Variants in SHISA3 observed in about 807,000 individuals in gnomAD.
SHISA3 encodes shisa family member 3, also known as protein shisa-3 homolog.
In SHISA3, 15 loss-of-function variants were observed where a neutral mutation model predicts 19.2. That is an observed-to-expected ratio of 0.78 (90% CI 0.52 to 1.20). The LOEUF (loss-of-function observed/expected upper bound fraction) is 1.20, where lower values mean the gene tolerates loss of function less well. Among genes scored for constraint, SHISA3 ranks in the 50% most tolerant of loss-of-function variants. The probability of loss-of-function intolerance (pLI) is 0.00; values close to 1 mark genes in which losing one functional copy is unlikely to be tolerated. For missense variants in SHISA3, 327 were observed against 315.7 expected (o/e 1.04, Z -0.27); for synonymous variants, 145 against 135.2 (o/e 1.07, Z -0.50).
In SHISA3 at chr4:42,401,551, G is replaced by A; in HGVS notation, c.*100G>A. On this transcript the variant is annotated 3_prime_UTR_variant, in exon 2 of 2. Coordinates refer to ENST00000319234, the MANE Select transcript of SHISA3 (RefSeq NM_001080505.3). The stretch of plus-strand genomic sequence containing the variant: ...TTCTGAGAAAATTTCCCTTGTAACT[G>A]ATCAGTGTCATGGAGGAGCATGCTA... 2 of 1,284,916 alleles carry A rather than the reference G, an allele frequency of 1.6e-6. No homozygotes were observed. The highest frequency in any genetic ancestry group is 2.1e-6 in the Non-Finnish European group (2 of 930,896). 79.6% of individuals were successfully genotyped at this position (1,284,916 alleles called of 1,614,324 possible).
At position 42,398,243 on chromosome 4, in the gene SHISA3, C is replaced by A. The variant is rs781576923; in HGVS notation, c.187C>A (p.Arg63Ser). The change falls in exon 1 of 2, where the codon CGC becomes AGC. Residue 63 changes from arginine to serine, a missense_variant. Arg to Ser is a moderately radical substitution (Grantham distance 110). Transcript: ENST00000319234. Reference protein sequence around the residue: ...ATICCGSCALRYCCAAADARL... With the variant: ...ATICCGSCALSYCCAAADARL... ...CATCTGCTGCGGCTCCTGCGCGCTC[C>A]GCTACTGTTGCGCCGCGGCCGACGC... The A allele has an allele frequency of 6.3e-7, 1 of 1,580,238 alleles. No homozygotes were observed. The highest frequency in any genetic ancestry group is 8.6e-7 in the Non-Finnish European group (1 of 1,163,566).
At position 42,397,836 on chromosome 4, in the gene SHISA3, C is replaced by T. The variant is rs185035068; in HGVS notation, c.-221C>T. The T allele has an allele frequency of 7.4e-3, 3,337 of 448,092 alleles. 26 individuals are homozygous for T. The highest frequency in any genetic ancestry group is 0.019 in the African/African-American group (939 of 48,802). 27.8% of individuals were successfully genotyped at this position (448,092 alleles called of 1,614,324 possible). On this transcript the variant is annotated 5_prime_UTR_variant, in exon 1 of 2. Coordinates refer to ENST00000319234, the MANE Select transcript of SHISA3 (RefSeq NM_001080505.3). ...CCTCCCGCAGGCCCTCGCCAACTCG[C>T]CCCGCGCACCATGCTGACTCCCGGC...
chr4:42,400,889 C>A, intron 1 of SHISA3, 123 bp from the exon 2 acceptor site: 3 of 955,808 alleles, frequency 3.1e-6, no homozygotes, highest in Non-Finnish European at 4.8e-6. Context: ...CTCTGAAAAA[C>A]TGAGCTGACA....
At chr4:42,400,020 C>T (rs142162916) in intron 1 of SHISA3, among the ~76,000 whole-genome samples, 43 of 152,302 alleles carry the variant, frequency 2.8e-4, no homozygotes, top group African/African-American at 8.4e-4. Context: ...TGGAGCTTAT[C>T]ATGTCCATCT....
chr4:42,398,550 C>T (rs1246584067), intron 1 of SHISA3, among the ~76,000 whole-genome samples: 1 of 152,202 alleles, frequency 6.6e-6, no homozygotes. Context: ...CCGCCACTTG[C>T]GGTCTCTGCG....
rs756114988 is a variant in SHISA3, at chr4:42,397,816, C to G, written c.-241C>G. ...AGCAACTGCCTCTGCCGGCGCCTCCCGCAGGCCCTCGCCAACTCGCCCCGC... is the reference window on the plus strand; with the variant it reads ...AGCAACTGCCTCTGCCGGCGCCTCCGGCAGGCCCTCGCCAACTCGCCCCGC... On this transcript the variant is annotated 5_prime_UTR_variant, in exon 1 of 2. Coordinates refer to ENST00000319234, the MANE Select transcript of SHISA3 (RefSeq NM_001080505.3). The G allele has an allele frequency of 6.8e-6, 3 of 441,426 alleles. No homozygotes were observed. The highest frequency in any genetic ancestry group is 2.1e-5 in the African/African-American group (1 of 48,492). The allele number at this position is 441,426 out of a possible 1,614,324, so 27.3% of individuals were successfully genotyped here.
At position 42,401,112 on chromosome 4, in the gene SHISA3, C is replaced by T. The variant is rs201179107; in HGVS notation, c.378C>T (p.Pro126=). The T allele has an allele frequency of 4.6e-5, 74 of 1,614,212 alleles. 1 individual carries two copies. In the East Asian group the frequency reaches 1.6e-3, roughly 35 times the overall value. ...VAIYCCTCLR[P]KEPSQQPIRF... is the part of the protein sequence containing the mutation. ...TTTATTGTTGCACCTGTTTGAGACC[C>T]AAGGAGCCCTCGCAGCAGCCAATCC... Residue 126 remains proline, a synonymous_variant, in exon 2 of 2, where the codon CCC becomes CCT. Transcript: ENST00000319234.
At chr4:42,400,653 C>T (rs1280124400) in intron 1 of SHISA3, among the ~76,000 whole-genome samples, 1 of 152,134 alleles carries the variant, frequency 6.6e-6, no homozygotes, top group African/African-American at 2.4e-5. Flanking sequence ...CTACTAAAAC[C>T]TGCATTTAAA....
rs185035068 is a variant in SHISA3, at chr4:42,397,836, C to A, written c.-221C>A. ...CCTCCCGCAGGCCCTCGCCAACTCG[C>A]CCCGCGCACCATGCTGACTCCCGGC... On this transcript the variant is annotated 5_prime_UTR_variant, in exon 1 of 2. Transcript: ENST00000319234. The A allele has an allele frequency of 4.5e-6, 2 of 447,992 alleles. No homozygotes were observed. Among genetic ancestry groups the A allele is most frequent in the Admixed American group, 8.7e-5 (2 of 23,022 alleles). The allele number at this position is 447,992 out of a possible 1,614,324, so 27.8% of individuals were successfully genotyped here.
At position 42,401,263 on chromosome 4, in the gene SHISA3, A is replaced by G. The variant is rs1711911610; in HGVS notation, c.529A>G (p.Arg177Gly). The change falls in exon 2 of 2, where the codon AGG becomes GGG. Residue 177 changes from arginine to glycine, a missense_variant. By Grantham distance (125) the Arg-to-Gly change is moderately radical. Coordinates refer to ENST00000319234, the MANE Select transcript of SHISA3 (RefSeq NM_001080505.3). Reference sequence around the variant, plus strand: ...CAGCTCCACAGGCGGCTCCATCCGCAGGTTCTCCTTTGCCAGGGCTGAGCC... The same window carrying G: ...CAGCTCCACAGGCGGCTCCATCCGCGGGTTCTCCTTTGCCAGGGCTGAGCC... The part of the protein sequence containing the change: ...SSSSTGGSIR[R>G]FSFARAEPGC... 6.2e-7 allele frequency: 1 copy of G among 1,614,054 alleles called. No homozygotes were observed. Among genetic ancestry groups the G allele is most frequent in the South Asian group, 1.1e-5 (1 of 91,084 alleles).
At chr4:42,400,117 TC>T (rs1711865068) in intron 1 of SHISA3, among the ~76,000 whole-genome samples, 1 of 152,224 alleles carries the variant, frequency 6.6e-6, no homozygotes, top group Admixed American at 6.5e-5. Context: ...AGGCTTTCTT[TC>T]TTCTACCTGT....
Position 42,397,823 on chromosome 4 carries a change from C to A in SHISA3, c.-234C>A. 1 of 441,730 alleles carries A rather than the reference C, an allele frequency of 2.3e-6. No homozygotes were observed. Among genetic ancestry groups the A allele is most frequent in the Non-Finnish European group, 3.9e-6 (1 of 253,274 alleles). The allele number at this position is 441,730 out of a possible 1,614,324, so 27.4% of individuals were successfully genotyped here. A position where few individuals can be genotyped will look rare whatever the true frequency, so the allele number is the denominator to read the frequency against. On this transcript the variant is annotated 5_prime_UTR_variant, in exon 1 of 2. Coordinates refer to ENST00000319234, the MANE Select transcript of SHISA3 (RefSeq NM_001080505.3). ...GCCTCTGCCGGCGCCTCCCGCAGGC[C>A]CTCGCCAACTCGCCCCGCGCACCAT... is the stretch of plus-strand genomic sequence containing the variant.
chr4:42,398,206 G>C lies in SHISA3; in HGVS notation c.150G>C (p.Thr50=). 1.9e-6 allele frequency: 3 copies of C among 1,601,916 alleles called. No homozygotes were observed. The highest frequency in any genetic ancestry group is 2.6e-6 in the Non-Finnish European group (3 of 1,174,496). ...EGFQCPEDFD[T]LDATICCGSC... Reference sequence around the variant, plus strand: ...TCCAGTGCCCAGAGGACTTCGACACGCTGGACGCTACCATCTGCTGCGGCT... The same window carrying C: ...TCCAGTGCCCAGAGGACTTCGACACCCTGGACGCTACCATCTGCTGCGGCT... Residue 50 remains threonine (T), a synonymous_variant, in exon 1 of 2, where the codon ACG becomes ACC. Transcript: ENST00000319234.
intron 1 of SHISA3, among the ~76,000 whole-genome samples, chr4:42,399,630 G>C (rs1372318952): frequency 6.6e-6 from 1 of 152,258 alleles, no homozygotes; most frequent in Non-Finnish European, 1.5e-5. Context: ...GGGAGAGGCA[G>C]TCTCCACACT....
In SHISA3 at chr4:42,397,841, C is replaced by A; in HGVS notation, c.-216C>A. On this transcript the variant is annotated 5_prime_UTR_variant, in exon 1 of 2. Transcript: ENST00000319234. ...CGCAGGCCCTCGCCAACTCGCCCCG[C>A]GCACCATGCTGACTCCCGGCCTGCG... 2.2e-6 allele frequency: 1 copy of A among 449,518 alleles called. No homozygotes were observed. Among genetic ancestry groups the A allele is most frequent in the Middle Eastern group, 5.6e-4 (1 of 1,772 alleles). 27.8% of individuals were successfully genotyped at this position (449,518 alleles called of 1,614,324 possible). A position where few individuals can be genotyped will look rare whatever the true frequency, so the allele number is the denominator to read the frequency against.
At chr4:42,400,045 G>C (rs1024697717) in intron 1 of SHISA3, among the ~76,000 whole-genome samples, 2 of 152,204 alleles carry the variant, frequency 1.3e-5, no homozygotes, top group Non-Finnish European at 2.9e-5. Context: ...GGGTCTCCAA[G>C]AGACTTTAAT....
At chr4:42,399,186 G>T (rs1711836807) in intron 1 of SHISA3, among the ~76,000 whole-genome samples, 1 of 152,142 alleles carries the variant, frequency 6.6e-6, no homozygotes, top group Non-Finnish European at 1.5e-5. Flanking sequence ...AGAAGCGGGC[G>T]GAGCTGAGAG....
intron 1 of SHISA3, among the ~76,000 whole-genome samples, chr4:42,400,383 G>A (rs1308389495): frequency 6.6e-6 from 1 of 152,202 alleles, no homozygotes; most frequent in East Asian, 1.9e-4. Context: ...GCTGGAGTGG[G>A]TATTCCAAAT....
At position 42,401,586 on chromosome 4, in the gene SHISA3, A is replaced by G; in HGVS notation, c.*135A>G. 1.1e-6 allele frequency: 1 copy of G among 905,796 alleles called. No individual in the cohort carries two copies. Among genetic ancestry groups the G allele is most frequent in the Non-Finnish European group, 1.6e-6 (1 of 617,958 alleles). 56.1% of individuals were successfully genotyped at this position (905,796 alleles called of 1,614,324 possible). On this transcript the variant is annotated 3_prime_UTR_variant, in exon 2 of 2. Transcript: ENST00000319234. ...ATGGAGGAGCATGCTAGGAAAACACAGCACCTTCTAATTTGAAAGTTCCTG... is the reference window on the plus strand; with the variant it reads ...ATGGAGGAGCATGCTAGGAAAACACGGCACCTTCTAATTTGAAAGTTCCTG...
Sources: allele counts gnomAD v4.1 joint callset (sites outside exome capture counted in the v4.1 genomes callset), GRCh38; gene constraint gnomAD v4.1.1; transcripts MANE v1.5; gene names NCBI Gene and HGNC (gene_info 2026-07-23, HGNC 2026-07-21).